Variants in CRYBG2 observed in about 807,000 individuals in gnomAD.
CRYBG2 encodes crystallin beta-gamma domain containing 2.
CRYBG2 carries 106 observed loss-of-function variants against 153.4 expected under a neutral mutation model. The observed-to-expected ratio is 0.69, with a 90% CI of 0.59 to 0.81. CRYBG2 has a LOEUF of 0.81. CRYBG2 is among the 30% of genes least tolerant of loss of function. The pLI is 0.00. For missense variants in CRYBG2, 1,996 were observed against 2,112.0 expected, an observed-to-expected ratio of 0.95 and a Z score of 1.08; for synonymous variants, 851 against 877.8, an observed-to-expected ratio of 0.97 and a Z score of 0.54.
intron 18 of CRYBG2, among the ~76,000 whole-genome samples, chr1:26,323,862 G>A (rs2073888808): frequency 1.3e-5 from 2 of 152,148 alleles, no homozygotes; most frequent in East Asian, 1.9e-4. Flanking sequence ...ATAGGCATGA[G>A]CCACCATGCC....
intron 14 of CRYBG2, among the ~76,000 whole-genome samples, chr1:26,333,079 A>AGT (rs1323448281): frequency 2.9e-5 from 4 of 138,268 alleles, no homozygotes; most frequent in African/African-American, 1.1e-4. Flanking sequence ...GGAGGGAAAA[A>AGT]GTTGGCAGGG....
chr1:26,344,711 C>G lies in CRYBG2; in HGVS notation c.1947G>C (p.Gln649His). The G allele has an allele frequency of 6.5e-7, 1 of 1,534,388 alleles. No individual in the cohort carries two copies. The highest frequency in any genetic ancestry group is 1.2e-5 in the South Asian group (1 of 83,900). The change falls in exon 2 of 20, where the codon CAG (glutamine) becomes CAC (histidine). Residue 649 changes from glutamine to histidine, a missense_variant. Coordinates refer to ENST00000308182, the MANE Select transcript of CRYBG2 (RefSeq NM_001039775.4). ...GCGGGGCAAGGCTGCCTGCAATACC[C>G]TGGACAGCCTCTTTTTGGATGCTAC... ...GSSSIQKEAV[Q>H]GIAGSLAPPL...
At position 26,336,969 on chromosome 1, in the gene CRYBG2, G is replaced by A. The variant is rs1557710051; in HGVS notation, c.3783C>T (p.Asp1261=). The A allele has an allele frequency of 6.2e-6, 10 of 1,613,654 alleles. No homozygotes were observed. Among genetic ancestry groups the A allele is most frequent in the Non-Finnish European group, 8.5e-6 (10 of 1,179,876 alleles). ...TGGCCTCAAATAGCACGACGGCCGGGTCCCCGAAGTCCTGGGTCCCCAGGG... is the reference window on the plus strand; with the variant it reads ...TGGCCTCAAATAGCACGACGGCCGGATCCCCGAAGTCCTGGGTCCCCAGGG... ...SLRVIRTDFG[D]PAVVLFEAMD... Residue 1261 remains aspartate, a synonymous_variant, in exon 11 of 20, where the codon GAC becomes GAT. Coordinates refer to ENST00000308182, the MANE Select transcript of CRYBG2 (RefSeq NM_001039775.4). This position sits in a 1 kb window ranked among gnomAD's most constrained non-coding sequence, Gnocchi z 4.9.
chr1:26,339,400 G>A lies in CRYBG2; in HGVS notation c.3234C>T (p.Phe1078=). 1.2e-6 allele frequency: 2 copies of A among 1,614,200 alleles called. No individual in the cohort carries two copies. Among genetic ancestry groups the A allele is most frequent in the Non-Finnish European group, 1.7e-6 (2 of 1,180,038 alleles). Residue 1078 remains phenylalanine, a synonymous_variant, in exon 6 of 20, where the codon TTC becomes TTT. Coordinates refer to ENST00000308182, the MANE Select transcript of CRYBG2 (RefSeq NM_001039775.4). ...WDYSTPEISL[F]SEEGLKGEQV... is the part of the protein sequence containing the mutation. ...GCTCCCCCTTGAGGCCCTCCTCAGA[G>A]AAGAGGCTGATTTCCGGGGTGCTGT...
At position 26,324,147 on chromosome 1, in the gene CRYBG2, A is replaced by G; in HGVS notation, c.4737+5T>C. ...GTGTCCCTGTGCCAGCCCCTGTATC[A>G]GTACCTGGTTCTTCAGCAGCCCATC... is the stretch of plus-strand genomic sequence containing the variant. On this transcript the variant is annotated splice_donor_5th_base_variant and intron_variant, in intron 18 of 19. Coordinates refer to ENST00000308182, the MANE Select transcript of CRYBG2 (RefSeq NM_001039775.4). 6.2e-7 allele frequency: 1 copy of G among 1,612,218 alleles called. No homozygotes were observed. Among genetic ancestry groups the G allele is most frequent in the East Asian group, 2.2e-5 (1 of 44,812 alleles).
At position 26,344,889 on chromosome 1, in the gene CRYBG2, G is replaced by A. The variant is rs553591603; in HGVS notation, c.1769C>T (p.Ala590Val). The A allele has an allele frequency of 1.3e-6, 2 of 1,535,542 alleles. No homozygotes were observed. The highest frequency in any genetic ancestry group is 1.7e-4 in the Middle Eastern group (1 of 5,964). The change falls in exon 2 of 20, where the codon GCT (alanine) becomes GTT (valine). Residue 590 changes from alanine (A) to valine (V), a missense_variant. Transcript: ENST00000308182. ...KEVVKGPGAP[A>V]ASSPTQKEVV... Reference sequence around the variant, plus strand: ...CTCTTTCTGGGTGGGCGATGAGGCAGCAGGAGCACCAGGGCCCTTCACAAC... The same window carrying A: ...CTCTTTCTGGGTGGGCGATGAGGCAACAGGAGCACCAGGGCCCTTCACAAC...
At position 26,336,531 on chromosome 1, in the gene CRYBG2, T is replaced by C. The variant is rs1557709276; in HGVS notation, c.4038+75A>G. On this transcript the variant is annotated intron_variant, in intron 12 of 19. Transcript: ENST00000308182. The surrounding 1 kb of genome is among the most constrained non-coding windows in gnomAD (Gnocchi z 4.9). ...GGCAGGTCCTCCAGCCCGCTACCTC[T>C]GCGTGGGGGCGGGGCGCACCCGAAC... 3.2e-6 allele frequency: 5 copies of C among 1,541,664 alleles called. No individual in the cohort carries two copies. The highest frequency in any genetic ancestry group is 1.4e-5 in the African/African-American group (1 of 72,332).
At chr1:26,352,583 G>C (rs2074298091) in intron 1 of CRYBG2, among the ~76,000 whole-genome samples, 1 of 152,068 alleles carries the variant, frequency 6.6e-6, no homozygotes, top group Non-Finnish European at 1.5e-5. Context: ...TCTTGGCCCA[G>C]AGAACCTTCT....
At position 26,344,537 on chromosome 1, in the gene CRYBG2, G is replaced by C; in HGVS notation, c.2121C>G (p.Ala707=). The C allele has an allele frequency of 5.2e-6, 8 of 1,545,410 alleles. No homozygotes were observed. Among genetic ancestry groups the C allele is most frequent in the Non-Finnish European group, 7.0e-6 (8 of 1,146,648 alleles). ...ACACCCTGTCCACTGAGGAAGATGG[G>C]GCAGGGAGAGCATCAGGGTCCTGCA... The part of the protein sequence containing the change: ...EVVQDPDALP[A]PSSSVDRVSP... Residue 707 remains alanine, a synonymous_variant, in exon 2 of 20, where the codon GCC becomes GCG. Coordinates refer to ENST00000308182, the MANE Select transcript of CRYBG2 (RefSeq NM_001039775.4).
chr1:26,337,006 T>G, intron 10 of CRYBG2, 26 bp from the exon 11 acceptor site: 1 of 1,612,090 alleles, frequency 6.2e-7, no homozygotes, highest in Non-Finnish European at 8.5e-7. Context: ...CAGTCAGGTC[T>G]CTCCCGCCCA....
Position 26,344,614 on chromosome 1 carries a change from C to A in CRYBG2, c.2044G>T (p.Val682Phe). Residue 682 changes from valine to phenylalanine, a missense_variant, in exon 2 of 20, where the codon GTC (valine) becomes TTC (phenylalanine). By Grantham distance (50) the Val-to-Phe change is conservative. Coordinates refer to ENST00000308182, the MANE Select transcript of CRYBG2 (RefSeq NM_001039775.4). The stretch of plus-strand genomic sequence containing the variant: ...ATGGGGCTCCCTTCAGAGTCCTGGA[C>A]CCCCTTATCCTGTTTGGGGAGTGAG... ...ATSLPKQDKGVQDSEGSPISS... is the reference protein window; with the variant it reads ...ATSLPKQDKGFQDSEGSPISS... The A allele has an allele frequency of 6.5e-7, 1 of 1,536,264 alleles. No individual in the cohort carries two copies. The highest frequency in any genetic ancestry group is 1.2e-5 in the South Asian group (1 of 84,054).
rs781454264 is a variant in CRYBG2, at chr1:26,322,211, C to T, written c.4850G>A (p.Gly1617Asp). ...PRQTWSISES[G>D]HICSQMFEGQ... ...TTCGAACATCTGGCTGCAGATGTGG[C>T]CCGATTCACTGATGCTCCACGTCTG... is the stretch of plus-strand genomic sequence containing the variant. The change falls in exon 19 of 20, where the codon GGC becomes GAC. Residue 1617 changes from glycine (G) to aspartate (D), a missense_variant. Transcript: ENST00000308182. 3.1e-6 allele frequency: 5 copies of T among 1,614,102 alleles called. No homozygotes were observed. In the East Asian group the frequency reaches 8.9e-5, roughly 29 times the overall value.
At chr1:26,327,803 T>C (rs998240235) in intron 17 of CRYBG2, among the ~76,000 whole-genome samples, 4 of 151,918 alleles carry the variant, frequency 2.6e-5, no homozygotes, top group African/African-American at 9.7e-5. Context: ...AAAAATTAGC[T>C]GAGCGTGGTA....
rs144151936 is a variant in CRYBG2 at position 26,338,390 on chromosome 1, T to C, written c.3432A>G (p.Thr1144=). The C allele has an allele frequency of 3.0e-5, 48 of 1,612,872 alleles. No individual in the cohort carries two copies. In the African/African-American group the frequency reaches 6.1e-4, roughly 21 times the overall value. ...TCAGGGAGCCCACGCTGGGGTCCGA[T>C]GTGCCCCAGGCCTCTGAGGTGGGGT... The part of the protein sequence containing the change: ...GEYPTSEAWG[T]SDPSVGSLKP... Residue 1144 remains threonine (T), a synonymous_variant, in exon 7 of 20, where the codon ACA becomes ACG. Coordinates refer to ENST00000308182, the MANE Select transcript of CRYBG2 (RefSeq NM_001039775.4).
At chr1:26,326,579 C>A in intron 17 of CRYBG2, 1 of 183,952 alleles carries the variant, frequency 5.4e-6, no homozygotes, top group Non-Finnish European at 1.2e-5. Context: ...ATGTACACAT[C>A]AAACTCATGA....
At chr1:26,337,061 C>T (rs1158020274) in intron 10 of CRYBG2, 81 bp from the exon 11 acceptor site, 1 of 1,579,094 alleles carries the variant, frequency 6.3e-7, no homozygotes, top group Non-Finnish European at 8.6e-7. Context: ...GGTCACAGCC[C>T]ACCCGGGGAA....
At chr1:26,322,520 T>C (rs1040533935) in intron 18 of CRYBG2, among the ~76,000 whole-genome samples, 197 bp from the exon 19 acceptor site, 10 of 152,210 alleles carry the variant, frequency 6.6e-5, no homozygotes, top group Non-Finnish European at 1.3e-4. Flanking sequence ...GGGTTCAGTG[T>C]GAGAAAACAT....
At chr1:26,322,998 T>C (rs903342117) in intron 18 of CRYBG2, among the ~76,000 whole-genome samples, 4 of 152,160 alleles carry the variant, frequency 2.6e-5, no homozygotes, top group Non-Finnish European at 5.9e-5. Flanking sequence ...TGGAACACTC[T>C]TCCCTCAGAT....
rs1557715683 is a variant in CRYBG2 at position 26,343,903 on chromosome 1, C to T, written c.2755G>A (p.Glu919Lys). ...LFGSLVPTAK[E>K]ASTPEPLGTK... is the part of the protein sequence containing the mutation. ...CCCAGCGGTTCCGGGGTGGAGGCCT[C>T]CTTGGCGGTAGGCACCAGACTGCCG... The change falls in exon 2 of 20, where the codon GAG (glutamate) becomes AAG (lysine). Residue 919 changes from glutamate to lysine, a missense_variant. By Grantham distance (56) the Glu-to-Lys change is moderately conservative. Coordinates refer to ENST00000308182, the MANE Select transcript of CRYBG2 (RefSeq NM_001039775.4). The surrounding 1 kb of genome is among the most constrained non-coding windows in gnomAD (Gnocchi z 4.1). 6.5e-7 allele frequency: 1 copy of T among 1,532,792 alleles called. No homozygotes were observed. The allele number at this position is 1,532,792 out of a possible 1,614,324, so 94.9% of individuals were successfully genotyped here.
Sources: gnomAD v4.1 joint callset for allele counts (sites outside exome capture counted in the v4.1 genomes callset) on GRCh38, gnomAD v4.1.1 for gene constraint, Gnocchi (gnomAD v3.1) non-coding constraint, MANE v1.5 for transcripts, NCBI Gene and HGNC (gene_info 2026-07-23, HGNC 2026-07-21) for gene names.